The following DOC2A variants were observed in gnomAD, a reference collection of about 807,000 sequenced individuals.
The protein encoded by DOC2A is double C2-like domain-containing protein alpha.
In DOC2A, 28 loss-of-function variants were observed where a neutral mutation model predicts 40.6. The observed-to-expected ratio is 0.69, with a 90% CI of 0.51 to 0.95. The LOEUF (loss-of-function observed/expected upper bound fraction) is 0.95, where lower values mean the gene tolerates loss of function less well. Ranked by LOEUF, DOC2A falls within the 40% of genes least tolerant of loss-of-function variation. DOC2A has a pLI of 0.00. For synonymous variants in DOC2A, 241 were observed against 236.9 expected (o/e 1.02, Z -0.16); for missense variants, 474 against 552.5 (o/e 0.86, Z 1.42).
In DOC2A at chr16:30,005,573, A is replaced by G; in HGVS notation, c.*613T>C. ...TGCTCCGGCCACTGACACAACCAGA[A>G]AAGGCGTAAACATGCACGGGTGTCC... On this transcript the variant is annotated 3_prime_UTR_variant, in exon 11 of 11. Coordinates refer to ENST00000350119, the MANE Select transcript of DOC2A (RefSeq NM_003586.3). 1 of 904,968 alleles carries G rather than the reference A, an allele frequency of 1.1e-6. No individual in the cohort carries two copies. Among genetic ancestry groups the G allele is most frequent in the Non-Finnish European group, 1.7e-6 (1 of 584,576 alleles). The allele number at this position is 904,968 out of a possible 1,614,324, so 56.1% of individuals were successfully genotyped here.
At position 30,006,563 on chromosome 16, in the gene DOC2A, G is replaced by T. The variant is rs1228281278; in HGVS notation, c.960+33C>A. 1 of 1,613,186 alleles carries T rather than the reference G, an allele frequency of 6.2e-7. No individual in the cohort carries two copies. Among genetic ancestry groups the T allele is most frequent in the Admixed American group, 1.7e-5 (1 of 59,982 alleles). Reference sequence around the variant, plus strand: ...GAGCCAGCTCCCCAGCCCCTCCCTGGCCTCCCTCCATGTCCCGTCCCCTCC... The same window carrying T: ...GAGCCAGCTCCCCAGCCCCTCCCTGTCCTCCCTCCATGTCCCGTCCCCTCC... On this transcript the variant is annotated intron_variant, in intron 9 of 10. Coordinates refer to ENST00000350119, the MANE Select transcript of DOC2A (RefSeq NM_003586.3). The surrounding 1 kb of genome is among the most constrained non-coding windows in gnomAD (Gnocchi z 6.2).
chr16:30,015,871 GTTT>G (rs2070849017), upstream of DOC2A, among the ~76,000 whole-genome samples: 1 of 140,636 alleles, frequency 7.1e-6, no homozygotes, highest in African/African-American at 2.7e-5. Flanking sequence ...TGGCTAATCT[GTTT>G]TTGTTTGTTT....
chr16:30,009,450 C>T lies in DOC2A; in HGVS notation c.342+28G>A, dbSNP rs2070713984. The T allele has an allele frequency of 6.5e-7, 1 of 1,550,196 alleles. No individual in the cohort carries two copies. Among genetic ancestry groups the T allele is most frequent in the Non-Finnish European group, 8.7e-7 (1 of 1,146,230 alleles). ...TCTGGGGGCTGCACGCAAACCGGGC[C>T]CGGGCTTGGGTGGCAGGGAGTGCCC... is the stretch of plus-strand genomic sequence containing the variant. On this transcript the variant is annotated intron_variant, in intron 3 of 10. Coordinates refer to ENST00000350119, the MANE Select transcript of DOC2A (RefSeq NM_003586.3). This position sits in a 1 kb window ranked among gnomAD's most constrained non-coding sequence, Gnocchi z 4.1.
At chr16:30,023,017 C>T (rs1167903283), upstream of DOC2A, 1 of 246,610 alleles carries the variant, frequency 4.1e-6, no homozygotes, top group Non-Finnish European at 8.1e-6. Context: ...AAGGGGTAAC[C>T]GGAGGTGTGT....
intron 5 of DOC2A, 69 bp from the exon 6 acceptor site, chr16:30,007,368 T>G (rs2070647967): frequency 1.2e-6 from 2 of 1,607,038 alleles, no homozygotes; most frequent in Non-Finnish European, 1.7e-6. Flanking sequence ...AGGAAGGGCC[T>G]TGGACCAGCC....
upstream of DOC2A, chr16:30,023,203 TTCTCC>T (rs2070939874): frequency 2.8e-6 from 2 of 710,406 alleles, no homozygotes; most frequent in East Asian, 2.8e-5. Context: ...CCAACCTCTC[TTCTCC>T]TCTCCTCTTC....
chr16:30,006,161 C>T lies in DOC2A; in HGVS notation c.*25G>A, dbSNP rs573496060. 13 of 1,560,812 alleles carry T rather than the reference C, an allele frequency of 8.3e-6. No homozygotes were observed. Among genetic ancestry groups the T allele is most frequent in the Admixed American group, 1.9e-5 (1 of 52,566 alleles). On this transcript the variant is annotated 3_prime_UTR_variant, in exon 11 of 11. Transcript: ENST00000350119. The surrounding 1 kb of genome is among the most constrained non-coding windows in gnomAD (Gnocchi z 6.2). Reference sequence around the variant, plus strand: ...TGGGTACTGGACCCGGCTCGATGGGCCTGTGCCGGGACACTGCTGTCCACT... The same window carrying T: ...TGGGTACTGGACCCGGCTCGATGGGTCTGTGCCGGGACACTGCTGTCCACT...
chr16:30,022,246 CAAAAAAAAAAAAAAAA>C (rs60987861), upstream of DOC2A, among the ~76,000 whole-genome samples: 5 of 34,304 alleles, frequency 1.5e-4, no homozygotes, highest in East Asian at 2.4e-3. Context: ...AACTCCATCT[CAAAAAAAAAAAAAAAA>C]AAAAAAAAAA....
At chr16:30,012,187 TCA>T (rs2070793745), upstream of DOC2A, 1 of 152,200 alleles carries the variant, frequency 6.6e-6, no homozygotes, top group Non-Finnish European at 1.5e-5. Context: ...GGATCTTGGC[TCA>T]CATGCGCTCC....
upstream of DOC2A, among the ~76,000 whole-genome samples, chr16:30,015,759 G>C (rs1311548608): frequency 7.3e-6 from 1 of 137,242 alleles, no homozygotes; most frequent in East Asian, 2.2e-4. Flanking sequence ...GGAGTGCAGT[G>C]GCAAGATCAT....
intron 1 of DOC2A, among the ~76,000 whole-genome samples, chr16:30,020,568 C>T (rs543383092): frequency 2.7e-4 from 41 of 151,852 alleles, no homozygotes; most frequent in Non-Finnish European, 4.7e-4. Context: ...GTAGGCTGGG[C>T]GCAGTCGCAC....
At chr16:30,021,875 C>CCA (rs1567289888), upstream of DOC2A, among the ~76,000 whole-genome samples, 1 of 151,944 alleles carries the variant, frequency 6.6e-6, no homozygotes, top group African/African-American at 2.4e-5. Context: ...GAGGAACCCC[C>CCA]CCCCCAGGAA....
upstream of DOC2A, chr16:30,011,302 A>T (rs1420158330): frequency 9.2e-6 from 9 of 981,330 alleles, no homozygotes; most frequent in Non-Finnish European, 1.1e-5. Context: ...ACCCTTGCAC[A>T]CACCCAGGCG....
chr16:30,014,005 G>A (rs141685627), upstream of DOC2A, among the ~76,000 whole-genome samples: 1 of 151,916 alleles, frequency 6.6e-6, no homozygotes, highest in African/African-American at 2.4e-5. Context: ...GTGAGCCACC[G>A]CGCCTGGCCA....
rs376074837 is a variant in DOC2A, at chr16:30,006,665, G to A, written c.891C>T (p.Pro297=). 2.7e-5 allele frequency: 43 copies of A among 1,613,454 alleles called. No individual in the cohort carries two copies. The highest frequency in any genetic ancestry group is 3.4e-5 in the Non-Finnish European group (40 of 1,179,912). The stretch of plus-strand genomic sequence containing the variant: ...TATGCTTGGATTTCTTGTCCACATC[G>A]GGCCTCAGGTACCTGGGGGTGGGGT... The part of the protein sequence containing the change: ...SDPYVKTYLR[P]DVDKKSKHKT... Residue 297 remains proline, a synonymous_variant, in exon 9 of 11, where the codon CCC becomes CCT. Transcript: ENST00000350119. This position sits in a 1 kb window ranked among gnomAD's most constrained non-coding sequence, Gnocchi z 6.2.
upstream of DOC2A, chr16:30,013,415 GC>G (rs1368391342): frequency 6.7e-6 from 1 of 148,812 alleles, no homozygotes; most frequent in Non-Finnish European, 1.5e-5. Context: ...ACAGGTGCCC[GC>G]CTCCACGCCT....
Position 30,006,261 on chromosome 16 carries a change from C to G in DOC2A, c.1128G>C (p.Pro376=), listed in dbSNP as rs371322738. The part of the protein sequence containing the change: ...RKHWSDCLQQ[P]DAALERWHTL... ...TGTGCCAGCGCTCCAGGGCTGCGTCCGGCTGCTGCAGGCAGTCACTCCAGT... is the reference window on the plus strand; with the variant it reads ...TGTGCCAGCGCTCCAGGGCTGCGTCGGGCTGCTGCAGGCAGTCACTCCAGT... Residue 376 remains proline, a synonymous_variant, in exon 11 of 11, where the codon CCG becomes CCC. Transcript: ENST00000350119. This position sits in a 1 kb window ranked among gnomAD's most constrained non-coding sequence, Gnocchi z 6.2. The G allele has an allele frequency of 2.5e-6, 4 of 1,599,134 alleles. No individual in the cohort carries two copies. The highest frequency in any genetic ancestry group is 2.2e-5 in the South Asian group (2 of 89,610).
rs1387062631 is a variant in DOC2A at position 30,010,335 on chromosome 16, C to T, written c.-13-100G>A. ...CGGTCTGTGGGGCCCTCACTGGCCT[C>T]CCTTCCTAGGTGTCGAGGGAGAGGG... On this transcript the variant is annotated intron_variant, in intron 1 of 10. Transcript: ENST00000350119. The surrounding 1 kb of genome is among the most constrained non-coding windows in gnomAD (Gnocchi z 4.2). 2.6e-6 allele frequency: 4 copies of T among 1,514,966 alleles called. No homozygotes were observed. In the Admixed American group the frequency reaches 5.0e-5, roughly 19 times the overall value. The allele number at this position is 1,514,966 out of a possible 1,614,324, so 93.8% of individuals were successfully genotyped here.
Position 30,011,017 on chromosome 16 carries a change from C to G in DOC2A, c.-128G>C, listed in dbSNP as rs566198776. ...GTGCGAGCCGAGAGGGAGGGAGCGC[C>G]GAGAAAGTGCGGGGAGGAGGGGGTG... is the stretch of plus-strand genomic sequence containing the variant. On this transcript the variant is annotated 5_prime_UTR_variant, in exon 1 of 11. Transcript: ENST00000350119. 2.0e-6 allele frequency: 2 copies of G among 987,776 alleles called. No homozygotes were observed. The highest frequency in any genetic ancestry group is 2.4e-6 in the Non-Finnish European group (2 of 831,112). The allele number at this position is 987,776 out of a possible 1,614,324, so 61.2% of individuals were successfully genotyped here. A position where few individuals can be genotyped will look rare whatever the true frequency, so the allele number is the denominator to read the frequency against.
Sources: gnomAD v4.1 joint callset for allele counts (sites outside exome capture counted in the v4.1 genomes callset) on GRCh38, gnomAD v4.1.1 for gene constraint, Gnocchi (gnomAD v3.1) non-coding constraint, MANE v1.5 for transcripts, NCBI Gene and HGNC (gene_info 2026-07-23, HGNC 2026-07-21) for gene names.